The following BTD variants were observed in gnomAD, a reference collection of about 807,000 sequenced individuals.
BTD encodes the protein biocytinase.
BTD carries 13 observed loss-of-function variants against 17.7 expected under a neutral mutation model. That is an observed-to-expected ratio of 0.74 (90% CI 0.48 to 1.17). BTD has a LOEUF of 1.17. Among genes scored for constraint, BTD ranks in the 50% most tolerant of loss-of-function variants. BTD has a pLI of 0.00. For synonymous variants in BTD, 240 were observed against 245.2 expected (o/e 0.98, Z 0.20); for missense variants, 674 against 650.4 (o/e 1.04, Z -0.39).
chr3:15,623,961 T>C (rs936736084), intron 1 of BTD, among the ~76,000 whole-genome samples: 2 of 152,234 alleles, frequency 1.3e-5, no homozygotes, highest in Non-Finnish European at 1.5e-5. Context: ...TTTATAGCAG[T>C]GTGAGAATGG....
At chr3:15,721,113 A>C in intron 4 of BTD, 1 of 1,610,844 alleles carries the variant, frequency 6.2e-7, no homozygotes, top group Non-Finnish European at 8.5e-7. Context: ...TTCCATAGGC[A>C]TTTGGTTCAT....
chr3:15,653,168 G>A lies in BTD; in HGVS notation c.*7680G>A, dbSNP rs78893133. On this transcript the variant is annotated 3_prime_UTR_variant, in exon 4 of 4. Coordinates refer to ENST00000643237, the MANE Select transcript of BTD (RefSeq NM_001370658.1). ...GAAATTGTTGGAAATGCAAATTCTT[G>A]GGCTCCACCCCAGATCAACTTAATC... is the stretch of plus-strand genomic sequence containing the variant. 0.021 allele frequency among the ~76,000 whole-genome samples: 3,264 copies of A among 152,294 alleles called. 207 individuals are homozygous for A. The East Asian group carries it at 0.23, about 11-fold the overall frequency.
chr3:15,601,838 C>T lies in BTD; in HGVS notation c.-73C>T, dbSNP rs1455534618. 12 of 1,614,050 alleles carry T rather than the reference C, an allele frequency of 7.4e-6. No homozygotes were observed. Among genetic ancestry groups the T allele is most frequent in the Non-Finnish European group, 5.1e-6 (6 of 1,180,030 alleles). On this transcript the variant is annotated 5_prime_UTR_variant, in exon 1 of 4. Transcript: ENST00000643237. ...TCGGCCAGCTGGAGCGTTTTCGGGG[C>T]TGTAAAGGGAGAATGGCGCATGCGC...
intron 3 of BTD, among the ~76,000 whole-genome samples, chr3:15,678,850 A>G (rs1210408072): frequency 6.6e-6 from 1 of 152,260 alleles, no homozygotes; most frequent in Admixed American, 6.5e-5. Context: ...ATAATGTAAA[A>G]ATAATTGAGA....
rs2065753398 is a variant in BTD, at chr3:15,648,918, A to G, written c.*3430A>G. 2.0e-5 allele frequency among the ~76,000 whole-genome samples: 3 copies of G among 152,184 alleles called. No individual in the cohort carries two copies. Among genetic ancestry groups the G allele is most frequent in the Admixed American group, 2.0e-4 (3 of 15,276 alleles). The stretch of plus-strand genomic sequence containing the variant: ...CCTCTACTAGACAAGGCACACCAGA[A>G]ATTGCTTGCCAACAAACACCAGAAA... On this transcript the variant is annotated 3_prime_UTR_variant, in exon 4 of 4. Coordinates refer to ENST00000643237, the MANE Select transcript of BTD (RefSeq NM_001370658.1).
chr3:15,710,732 CCT>C (rs904695047), exon 4 of BTD, among the ~76,000 whole-genome samples: 3 of 152,014 alleles, frequency 2.0e-5, no homozygotes, highest in Non-Finnish European at 4.4e-5. Context: ...CTAATTTTTC[CCT>C]GGTGGTACTA....
chr3:15,645,529 T>C lies in BTD; in HGVS notation c.*41T>C. The C allele has an allele frequency of 6.3e-7, 1 of 1,594,480 alleles. No individual in the cohort carries two copies. The highest frequency in any genetic ancestry group is 8.5e-7 in the Non-Finnish European group (1 of 1,176,718). On this transcript the variant is annotated 3_prime_UTR_variant, in exon 4 of 4. Transcript: ENST00000643237. ...TGTGGGGCGGACTCTGGCCATCATG[T>C]TGACAGCCTTGCACTTCCACAGGCT... is the stretch of plus-strand genomic sequence containing the variant.
At position 15,611,435 on chromosome 3, in the gene BTD, TAAG is replaced by T. The variant is rs1157442420; in HGVS notation, c.-17+9544_-17+9546del. ...TTATTATCAGATTTTTATCACTTCA[TAAG>T]AAAAAAATGCCTTCTTTTACTATAT... On this transcript the variant is annotated intron_variant, in intron 1 of 3. Transcript: ENST00000643237. Among the ~76,000 whole-genome samples, 3 of 152,026 alleles carry T rather than the reference TAAG, an allele frequency of 2.0e-5. No individual in the cohort carries two copies. In the East Asian group the frequency reaches 5.8e-4, roughly 29 times the overall value.
exon 4 of BTD, chr3:15,711,366 C>G (rs2072253264): frequency 1.6e-5 from 18 of 1,091,788 alleles, no homozygotes; most frequent in Middle Eastern, 2.6e-4. Context: ...ATCCTCCCCT[C>G]CAATCCCAAA....
At chr3:15,686,051 GCTC>G in intron 3 of BTD, 1 of 1,613,738 alleles carries the variant, frequency 6.2e-7, no homozygotes, top group Non-Finnish European at 8.5e-7. Context: ...ATCTACATTT[GCTC>G]CTTTGTTCAG....
At chr3:15,659,246 C>T (rs2065899487) in intron 3 of BTD, among the ~76,000 whole-genome samples, 1 of 152,080 alleles carries the variant, frequency 6.6e-6, no homozygotes, top group Non-Finnish European at 1.5e-5. Flanking sequence ...AAATCCATTG[C>T]TGTGCTTATA....
At position 15,616,904 on chromosome 3, in the gene BTD, C is replaced by T. The variant is rs1283997184; in HGVS notation, c.-17+15010C>T. On this transcript the variant is annotated intron_variant, in intron 1 of 3. Coordinates refer to ENST00000643237, the MANE Select transcript of BTD (RefSeq NM_001370658.1). ...CTGGAGTGCAGTGGTGCAATCTCGG[C>T]TCACTGCAACCTCCGCCTCCTGGGT... Among the ~76,000 whole-genome samples, 5 of 152,090 alleles carry T rather than the reference C, an allele frequency of 3.3e-5. No homozygotes were observed. The South Asian group carries it at 6.2e-4, about 19-fold the overall frequency.
At chr3:15,689,918 C>T in intron 3 of BTD, 5 of 1,127,688 alleles carry the variant, frequency 4.4e-6, no homozygotes, top group Non-Finnish European at 4.8e-6. Flanking sequence ...AAAAAAAGGT[C>T]AAAATTTTAA....
At chr3:15,606,204 TAG>T (rs2064449293) in intron 1 of BTD, among the ~76,000 whole-genome samples, 1 of 152,166 alleles carries the variant, frequency 6.6e-6, no homozygotes. Flanking sequence ...CCTGTTGCAT[TAG>T]AGTCACTTGG....
At chr3:15,612,916 A>G (rs1467735063) in intron 1 of BTD, among the ~76,000 whole-genome samples, 1 of 152,106 alleles carries the variant, frequency 6.6e-6, no homozygotes, top group African/African-American at 2.4e-5. Flanking sequence ...TCCAAATTCA[A>G]CTGATCGTTG....
At chr3:15,667,992 GC>G (rs2066069723) in intron 3 of BTD, 1 of 152,174 alleles carries the variant, frequency 6.6e-6, no homozygotes, top group African/African-American at 2.4e-5. Context: ...AGAAGACATG[GC>G]AGAATGTGCG....
In BTD at chr3:15,650,804, C is replaced by G. The variant is rs1295744597; in HGVS notation, c.*5316C>G. 6.6e-6 allele frequency among the ~76,000 whole-genome samples: 1 copy of G among 152,236 alleles called. No individual in the cohort carries two copies. Among genetic ancestry groups the G allele is most frequent in the Non-Finnish European group, 1.5e-5 (1 of 68,046 alleles). On this transcript the variant is annotated 3_prime_UTR_variant, in exon 4 of 4. Transcript: ENST00000643237. ...TGTTTTTTTGAGATGGAGTCTTGCT[C>G]TGTCGCCCGGGCAGGAGTGCAATGG...
intron 3 of BTD, among the ~76,000 whole-genome samples, chr3:15,658,959 C>T (rs890023917): frequency 1.3e-5 from 2 of 152,128 alleles, no homozygotes; most frequent in African/African-American, 4.8e-5. Flanking sequence ...ACAAATTTGA[C>T]CACACAGCCC....
intron 3 of BTD, among the ~76,000 whole-genome samples, chr3:15,665,790 CCTT>C: frequency 6.6e-6 from 1 of 152,314 alleles, no homozygotes; most frequent in Admixed American, 6.5e-5. Context: ...GTTGGGCTTG[CCTT>C]CTTGTGCTTC....
Sources: allele counts gnomAD v4.1 joint callset (sites outside exome capture counted in the v4.1 genomes callset), GRCh38; gene constraint gnomAD v4.1.1; transcripts MANE v1.5; gene names NCBI Gene and HGNC (gene_info 2026-07-23, HGNC 2026-07-21).